The following CD38 variants were observed in gnomAD, a reference collection of about 807,000 sequenced individuals.
The protein encoded by CD38 is ADP-ribosyl cyclase/cyclic ADP-ribose hydrolase 1.
In CD38, 31 loss-of-function variants were observed where a neutral mutation model predicts 36.3. The ratio of observed to expected loss-of-function variants is 0.85; its 90% CI spans 0.64 to 1.15. The LOEUF is 1.15. Among genes scored for constraint, CD38 ranks in the 50% most tolerant of loss-of-function variants. The pLI, the probability that CD38 is intolerant of heterozygous loss-of-function variation, is 0.00. For missense variants in CD38, 380 were observed against 371.9 expected (o/e 1.02, Z -0.18); for synonymous variants, 131 against 135.2 (o/e 0.97, Z 0.22).
At chr4:15,794,254 G>A (rs546073488) in intron 1 of CD38, among the ~76,000 whole-genome samples, 6 of 152,280 alleles carry the variant, frequency 3.9e-5, no homozygotes, top group Non-Finnish European at 7.4e-5. Flanking sequence ...GTCCATCTCA[G>A]TTATCAGATT....
At position 15,792,444 on chromosome 4, in the gene CD38, AAG is replaced by A. The variant is rs1419124230; in HGVS notation, c.233+13798_233+13799del. On this transcript the variant is annotated intron_variant, in intron 1 of 7. Transcript: ENST00000226279. ...AATAAAAATAAAATAAAATAAAAAA[AAG>A]GAATGAATCAAGAAAAAAAAAGAAA... Among the ~76,000 whole-genome samples, 47 of 149,928 alleles carry A rather than the reference AAG, an allele frequency of 3.1e-4. 1 individual carries two copies. The highest frequency in any genetic ancestry group is 4.7e-4 in the Non-Finnish European group (32 of 67,624).
At chr4:15,795,035 A>C (rs1432808249) in intron 1 of CD38, among the ~76,000 whole-genome samples, 1 of 152,148 alleles carries the variant, frequency 6.6e-6, no homozygotes, top group Non-Finnish European at 1.5e-5. Flanking sequence ...ATTTTTTGAG[A>C]CAATAAGTAC....
At chr4:15,819,788 C>T (rs1723691185) in intron 2 of CD38, among the ~76,000 whole-genome samples, 1 of 152,132 alleles carries the variant, frequency 6.6e-6, no homozygotes, top group South Asian at 2.1e-4. Flanking sequence ...CTGAAAGAGA[C>T]AGGAAGAATG....
intron 3 of CD38, among the ~76,000 whole-genome samples, chr4:15,832,717 A>T (rs2148926530): frequency 6.6e-6 from 1 of 152,268 alleles, no homozygotes; most frequent in Non-Finnish European, 1.5e-5. Flanking sequence ...GCCTGCAGTA[A>T]CCACTTCCTA....
At chr4:15,822,515 T>C (rs1723759911) in intron 2 of CD38, among the ~76,000 whole-genome samples, 1 of 152,152 alleles carries the variant, frequency 6.6e-6, no homozygotes, top group African/African-American at 2.4e-5. Context: ...AAAATCAATG[T>C]GCAAAAATCA....
intron 3 of CD38, among the ~76,000 whole-genome samples, chr4:15,833,258 C>G (rs1164668021): frequency 6.6e-6 from 1 of 152,196 alleles, no homozygotes; most frequent in Non-Finnish European, 1.5e-5. Flanking sequence ...CAGAGTCTCA[C>G]CCAAGGCCCA....
At position 15,792,912 on chromosome 4, in the gene CD38, G is replaced by T. The variant is rs116225514; in HGVS notation, c.233+14265G>T. Among the ~76,000 whole-genome samples the T allele has an allele frequency of 4.5e-3, 685 of 152,200 alleles. 7 individuals are homozygous for T. The highest frequency in any genetic ancestry group is 0.016 in the African/African-American group (655 of 41,530). ...TTTGCACATTGCATTAAAAATATATGTATCTTAAATTTCCTTTAATTTACA... is the reference window on the plus strand; with the variant it reads ...TTTGCACATTGCATTAAAAATATATTTATCTTAAATTTCCTTTAATTTACA... On this transcript the variant is annotated intron_variant, in intron 1 of 7. Coordinates refer to ENST00000226279, the MANE Select transcript of CD38 (RefSeq NM_001775.4).
intron 1 of CD38, among the ~76,000 whole-genome samples, chr4:15,784,866 G>C (rs1233705333): frequency 3.3e-5 from 5 of 152,066 alleles, no homozygotes; most frequent in African/African-American, 1.2e-4. Flanking sequence ...GACCATCCTG[G>C]CAAACATGGT....
chr4:15,815,674 G>A (rs1723580183), intron 1 of CD38, among the ~76,000 whole-genome samples: 2 of 152,014 alleles, frequency 1.3e-5, no homozygotes, highest in South Asian at 4.1e-4. Flanking sequence ...CTGAGACGTT[G>A]GGGTTTTCTA....
At chr4:15,784,209 A>C (rs1237786646) in intron 1 of CD38, among the ~76,000 whole-genome samples, 1 of 152,232 alleles carries the variant, frequency 6.6e-6, no homozygotes, top group East Asian at 1.9e-4. Flanking sequence ...AAGAAAGACT[A>C]TGTGAATTGC....
At position 15,825,128 on chromosome 4, in the gene CD38, C is replaced by A. The variant is rs1206485102; in HGVS notation, c.499+112C>A. ...GAGGACAGAGCCACAGGCACCCATCCTGATGCCATCTATACTTATATTAGT... is the reference window on the plus strand; with the variant it reads ...GAGGACAGAGCCACAGGCACCCATCATGATGCCATCTATACTTATATTAGT... On this transcript the variant is annotated intron_variant, in intron 3 of 7. Coordinates refer to ENST00000226279, the MANE Select transcript of CD38 (RefSeq NM_001775.4). 11 of 965,970 alleles carry A rather than the reference C, an allele frequency of 1.1e-5. No individual in the cohort carries two copies. The Admixed American group carries it at 1.4e-4, about 13-fold the overall frequency. The allele number at this position is 965,970 out of a possible 1,614,324, so 59.8% of individuals were successfully genotyped here.
intron 1 of CD38, among the ~76,000 whole-genome samples, chr4:15,791,029 C>T (rs1269597023): frequency 2.8e-5 from 4 of 142,578 alleles, no homozygotes; most frequent in Admixed American, 6.7e-5. Flanking sequence ...GCAGCCACCC[C>T]GTCCGGGAGG....
chr4:15,825,997 T>A (rs1188093150), intron 3 of CD38: 1 of 152,120 alleles, frequency 6.6e-6, no homozygotes, highest in Non-Finnish European at 1.5e-5. Flanking sequence ...TTTTACTTTA[T>A]ATAGTTTTAT....
At chr4:15,820,159 C>G (rs796540353) in intron 2 of CD38, among the ~76,000 whole-genome samples, 1 of 152,276 alleles carries the variant, frequency 6.6e-6, no homozygotes, top group African/African-American at 2.4e-5. Context: ...GAATTCGTCA[C>G]CACCAGGCCT....
chr4:15,831,507 CTG>C (rs1723957833), intron 3 of CD38, among the ~76,000 whole-genome samples: 1 of 152,108 alleles, frequency 6.6e-6, no homozygotes, highest in African/African-American at 2.4e-5. Context: ...CTGGAAAAGT[CTG>C]TGTTTCTCCT....
chr4:15,779,801 A>T (rs77633908), intron 1 of CD38, among the ~76,000 whole-genome samples: 4 of 142,624 alleles, frequency 2.8e-5, no homozygotes, highest in Non-Finnish European at 6.1e-5. Context: ...CAACCTCATT[A>T]AAAAAAAAAA....
chr4:15,820,408 A>ACT (rs1723706420), intron 2 of CD38, among the ~76,000 whole-genome samples: 3 of 152,216 alleles, frequency 2.0e-5, no homozygotes, highest in Admixed American at 1.3e-4. Context: ...CAAGCTGGAT[A>ACT]GTCAAGATCA....
rs924915802 is a variant in CD38, at chr4:15,850,698, T to C, written c.*2096T>C. 6.6e-6 allele frequency: 1 copy of C among 152,212 alleles called. No individual in the cohort carries two copies. Among genetic ancestry groups the C allele is most frequent in the Non-Finnish European group, 1.5e-5 (1 of 68,066 alleles). 9.4% of individuals were successfully genotyped at this position (152,212 alleles called of 1,614,324 possible). On this transcript the variant is annotated 3_prime_UTR_variant, in exon 8 of 8. Transcript: ENST00000226279. ...CATGGTCAGTCCAGGGATTCTTCAC[T>C]AGCCCCTTCTCCCCTGGCAGACATC...
At chr4:15,808,992 T>C (rs1723406024) in intron 1 of CD38, among the ~76,000 whole-genome samples, 6 of 152,190 alleles carry the variant, frequency 3.9e-5, no homozygotes, top group Admixed American at 3.9e-4. Flanking sequence ...ATGCAAATTC[T>C]GGCTGGGATA....
Sources: gnomAD v4.1 joint callset for allele counts (sites outside exome capture counted in the v4.1 genomes callset) on GRCh38, gnomAD v4.1.1 for gene constraint, MANE v1.5 for transcripts, NCBI Gene and HGNC (gene_info 2026-07-23, HGNC 2026-07-21) for gene names.